Variants in KAZN observed in about 807,000 individuals in gnomAD.
The protein encoded by KAZN is kazrin, periplakin interacting protein, also known as kazrin.
In KAZN, 40 loss-of-function variants were observed where a neutral mutation model predicts 87.4. The ratio of observed to expected loss-of-function variants is 0.46; its 90% CI spans 0.36 to 0.60. KAZN has a LOEUF of 0.60. Among genes scored for constraint, KAZN ranks in the 20% least tolerant of loss-of-function variants. KAZN has a pLI of 0.00. For synonymous variants in KAZN, 466 were observed against 458.3 expected (o/e 1.02, Z -0.22); for missense variants, 898 against 1,073.9 (o/e 0.84, Z 2.29).
intron 1 of KAZN, among the ~76,000 whole-genome samples, chr1:13,981,505 G>A (rs1394203743): frequency 2.0e-5 from 3 of 152,136 alleles, no homozygotes; most frequent in East Asian, 1.9e-4. Context: ...AATGGGATGC[G>A]TGTCAAAGAT....
Position 14,134,709 on chromosome 1 carries a change from G to A in KAZN, c.92-45726G>A, listed in dbSNP as rs759457591. On this transcript the variant is annotated intron_variant, in intron 1 of 16. Coordinates refer to the KAZN transcript ENST00000636203. ...CAGCATATTGTTTTCTAAATGATCCGCCTTGGGATTTCCAGCCTCCAGGCC... is the reference window on the plus strand; with the variant it reads ...CAGCATATTGTTTTCTAAATGATCCACCTTGGGATTTCCAGCCTCCAGGCC... Among the ~76,000 whole-genome samples the A allele has an allele frequency of 3.9e-5, 6 of 151,982 alleles. No individual in the cohort carries two copies. The South Asian group carries it at 8.3e-4, about 21-fold the overall frequency.
At chr1:14,426,562 C>T (rs926965021) in intron 2 of KAZN, among the ~76,000 whole-genome samples, 19 of 152,144 alleles carry the variant, frequency 1.2e-4, no homozygotes, top group African/African-American at 3.9e-4. Flanking sequence ...AGTTGCCCTA[C>T]TCCATGGAAC....
chr1:14,062,510 C>T (rs759651439), intron 1 of KAZN, among the ~76,000 whole-genome samples: 1 of 152,026 alleles, frequency 6.6e-6, no homozygotes, highest in Non-Finnish European at 1.5e-5. Flanking sequence ...CAAGACAAGT[C>T]TGAATTATTG....
intron 1 of KAZN, among the ~76,000 whole-genome samples, chr1:14,663,644 AAAC>A (rs1461387933): frequency 1.3e-5 from 2 of 152,326 alleles, no homozygotes; most frequent in East Asian, 1.9e-4. Flanking sequence ...AACAAAAAAC[AAAC>A]AACAAAAAAA....
Position 14,587,143 on chromosome 1 carries a change from T to C in KAZN, c.250-11840T>C, listed in dbSNP as rs551278225. 7.9e-5 allele frequency among the ~76,000 whole-genome samples: 12 copies of C among 152,150 alleles called. No individual in the cohort carries two copies. The East Asian group carries it at 2.3e-3, about 29-fold the overall frequency. On this transcript the variant is annotated intron_variant, in intron 2 of 16. Transcript: ENST00000636203. ...CAAAGAAATACCTGAGCCTGGGTAATTGACAAAAGGGGCCAGGCGCGGTGG... is the reference window on the plus strand; with the variant it reads ...CAAAGAAATACCTGAGCCTGGGTAACTGACAAAAGGGGCCAGGCGCGGTGG...
At position 15,076,439 on chromosome 1, in the gene KAZN, C is replaced by T. The variant is rs577861457; in HGVS notation, c.1222+10686C>T. ...TCGGCACATGCCAGCTGTGCAACACCGAGTCCCTTTGAGCCTCAGTTTCCC... is the reference window on the plus strand; with the variant it reads ...TCGGCACATGCCAGCTGTGCAACACTGAGTCCCTTTGAGCCTCAGTTTCCC... On this transcript the variant is annotated intron_variant, in intron 8 of 14. Coordinates refer to ENST00000376030, the MANE Select transcript of KAZN (RefSeq NM_201628.3). Among the ~76,000 whole-genome samples the T allele has an allele frequency of 1.2e-3, 185 of 152,294 alleles. 4 individuals are homozygous for T. The highest frequency in any genetic ancestry group is 0.011 in the Admixed American group (172 of 15,302).
intron 2 of KAZN, among the ~76,000 whole-genome samples, chr1:14,488,788 G>A (rs950157802): frequency 2.0e-5 from 3 of 152,132 alleles, no homozygotes; most frequent in African/African-American, 4.8e-5. Flanking sequence ...GATCCTTCCC[G>A]TTAGCCCTCT....
intron 1 of KAZN, among the ~76,000 whole-genome samples, chr1:14,074,497 A>G (rs1474936762): frequency 6.6e-6 from 1 of 152,188 alleles, no homozygotes; most frequent in Non-Finnish European, 1.5e-5. Context: ...AGCCTGTCGC[A>G]GTCTTAGAAG....
chr1:14,898,792 C>G (rs1262098530), intron 1 of KAZN, among the ~76,000 whole-genome samples: 2 of 152,254 alleles, frequency 1.3e-5, no homozygotes, highest in African/African-American at 4.8e-5. Context: ...GCCCCAGCAC[C>G]TAGCTCAGTG....
intron 1 of KAZN, among the ~76,000 whole-genome samples, chr1:13,942,694 A>G (rs1207001319): frequency 6.6e-6 from 1 of 152,182 alleles, no homozygotes; most frequent in African/African-American, 2.4e-5. Flanking sequence ...ACAAAAAACC[A>G]AGACAAAGAC....
intron 2 of KAZN, among the ~76,000 whole-genome samples, chr1:14,371,731 A>G (rs776469533): frequency 6.6e-6 from 1 of 152,194 alleles, no homozygotes; most frequent in Non-Finnish European, 1.5e-5. Flanking sequence ...TAGGATGCCA[A>G]AAGCAGAACC....
chr1:14,068,441 A>G (rs1012863627), intron 1 of KAZN, among the ~76,000 whole-genome samples: 2 of 152,206 alleles, frequency 1.3e-5, no homozygotes, highest in African/African-American at 4.8e-5. Context: ...TTAAAAATAT[A>G]GATTCTCAAA....
At chr1:14,082,597 G>T (rs957570232) in intron 1 of KAZN, among the ~76,000 whole-genome samples, 1 of 152,164 alleles carries the variant, frequency 6.6e-6, no homozygotes, top group African/African-American at 2.4e-5. Flanking sequence ...AAATTAGACC[G>T]AGTGCTGCAG....
At chr1:14,367,986 G>A (rs1313205908) in intron 2 of KAZN, among the ~76,000 whole-genome samples, 6 of 152,212 alleles carry the variant, frequency 3.9e-5, no homozygotes, top group Non-Finnish European at 5.9e-5. Context: ...GTGGGATAGC[G>A]AGAGCTTGAA....
At chr1:14,818,547 T>A (rs946838207) in intron 1 of KAZN, among the ~76,000 whole-genome samples, 1 of 152,206 alleles carries the variant, frequency 6.6e-6, no homozygotes, top group Non-Finnish European at 1.5e-5. Flanking sequence ...GAGCTGCAGC[T>A]TTGAGTTTGA....
chr1:14,372,512 A>T (rs1229232242), intron 2 of KAZN, among the ~76,000 whole-genome samples: 1 of 152,178 alleles, frequency 6.6e-6, no homozygotes, highest in Non-Finnish European at 1.5e-5. Context: ...TACTCATTGG[A>T]TGCTAGTAAC....
At chr1:15,013,753 CA>C (rs906482222) in intron 2 of KAZN, among the ~76,000 whole-genome samples, 130 of 133,506 alleles carry the variant, frequency 9.7e-4, no homozygotes, top group Middle Eastern at 3.8e-3. Flanking sequence ...GACTCCATCT[CA>C]AAAAAAAAAA....
At chr1:15,112,603 C>A (rs1308190841) in intron 14 of KAZN, 62 bp downstream of exon 14, 7 of 376,084 alleles carry the variant, frequency 1.9e-5, no homozygotes, top group East Asian at 4.3e-5. Flanking sequence ...TTTTTTTCTC[C>A]TCCCGGGAGC....
chr1:14,184,603 G>A lies in KAZN; in HGVS notation c.249+4011G>A, dbSNP rs12563497. Among the ~76,000 whole-genome samples, 11,819 of 152,144 alleles carry A rather than the reference G, an allele frequency of 0.078. 573 individuals carry two copies. Among genetic ancestry groups the A allele is most frequent in the East Asian group, 0.26 (1,339 of 5,152 alleles). Reference sequence around the variant, plus strand: ...CACTGCATAGGATTTGGGTGGCTTCGTTTTTCTTTTCTCTTTTTAAAAGAG... The same window carrying A: ...CACTGCATAGGATTTGGGTGGCTTCATTTTTCTTTTCTCTTTTTAAAAGAG... On this transcript the variant is annotated intron_variant, in intron 2 of 16. Coordinates refer to the KAZN transcript ENST00000636203. The surrounding 1 kb of genome is among the most constrained non-coding windows in gnomAD (Gnocchi z 4.2).
Sources: gnomAD v4.1 joint callset for allele counts (sites outside exome capture counted in the v4.1 genomes callset) on GRCh38, gnomAD v4.1.1 for gene constraint, Gnocchi (gnomAD v3.1) non-coding constraint, MANE v1.5 for transcripts, NCBI Gene and HGNC (gene_info 2026-07-23, HGNC 2026-07-21) for gene names.